GNG7: variants seen among roughly 807,000 people sequenced by gnomAD.
GNG7 encodes G protein subunit gamma 7, also known as guanine nucleotide-binding protein G(I)/G(S)/G(O) subunit gamma-7.
Under a neutral mutation model 4.0 loss-of-function variants are expected in GNG7, and 1 was observed. The ratio of observed to expected loss-of-function variants is 0.25; its 90% CI spans 0.09 to 1.18. GNG7 has a LOEUF of 1.18. Among genes scored for constraint, GNG7 ranks in the 50% most tolerant of loss-of-function variants. The pLI is 0.50. For synonymous variants in GNG7, 34 were observed against 36.9 expected (o/e 0.92, Z 0.29); for missense variants, 86 against 91.9 (o/e 0.94, Z 0.26).
intron 2 of GNG7, chr19:2,595,145 T>G (rs375370414): frequency 7.2e-6 from 1 of 139,234 alleles, no homozygotes; most frequent in Admixed American, 7.2e-5. Flanking sequence ...TTTTTTTTTT[T>G]GAGACGGAGT....
chr19:2,525,802 G>A (rs929580126), intron 3 of GNG7, among the ~76,000 whole-genome samples: 13 of 151,994 alleles, frequency 8.6e-5, no homozygotes, highest in African/African-American at 2.9e-4. Flanking sequence ...TAGAATGAAA[G>A]CAAGTGCTCT....
intron 3 of GNG7, chr19:2,538,760 A>AT (rs113521303): frequency 0.019 from 7,720 of 416,956 alleles, 534 homozygotes; most frequent in African/African-American, 0.15. Flanking sequence ...CTAGATATAT[A>AT]TATTTTTCTT....
At chr19:2,567,135 A>C (rs1397608241) in intron 2 of GNG7, among the ~76,000 whole-genome samples, 1 of 131,952 alleles carries the variant, frequency 7.6e-6, no homozygotes, top group African/African-American at 3.6e-5. Context: ...AAAAAAACAA[A>C]AAAAAAACAA....
intron 2 of GNG7, among the ~76,000 whole-genome samples, chr19:2,566,918 C>G (rs1354209576): frequency 6.6e-6 from 1 of 152,110 alleles, no homozygotes; most frequent in African/African-American, 2.4e-5. Context: ...GCCTGACCAA[C>G]ATGGTGAAAC....
intron 2 of GNG7, among the ~76,000 whole-genome samples, chr19:2,563,149 C>T (rs953298520): frequency 2.6e-5 from 4 of 152,004 alleles, no homozygotes; most frequent in Admixed American, 6.6e-5. Context: ...GGGGTTTCAC[C>T]GTGTTAGCCA....
intron 1 of GNG7, among the ~76,000 whole-genome samples, chr19:2,691,638 G>A (rs1401291906): frequency 6.6e-6 from 1 of 151,758 alleles, no homozygotes; most frequent in East Asian, 1.9e-4. Context: ...AAGCCGAGGT[G>A]GAAGGATCAC....
chr19:2,574,273 C>T (rs1342358129), intron 2 of GNG7, among the ~76,000 whole-genome samples: 1 of 152,072 alleles, frequency 6.6e-6, no homozygotes, highest in East Asian at 1.9e-4. Context: ...TCAGCCCTTC[C>T]TCTCCCTCTC....
At chr19:2,620,349 G>C (rs1981836534) in intron 2 of GNG7, among the ~76,000 whole-genome samples, 2 of 151,390 alleles carry the variant, frequency 1.3e-5, no homozygotes, top group South Asian at 4.2e-4. Flanking sequence ...CTCTCTGCAG[G>C]CAGGTCACTG....
intron 3 of GNG7, among the ~76,000 whole-genome samples, chr19:2,554,017 T>C: frequency 1.4e-5 from 2 of 147,226 alleles, no homozygotes; most frequent in South Asian, 2.1e-4. Context: ...ATATTATATG[T>C]ATATATGTAT....
At chr19:2,607,640 A>T (rs8113429) in intron 2 of GNG7, among the ~76,000 whole-genome samples, 1 of 150,606 alleles carries the variant, frequency 6.6e-6, no homozygotes, top group Non-Finnish European at 1.5e-5. Context: ...GCTAAACTAC[A>T]TTGTTATGTA....
At chr19:2,545,179 G>A (rs12980307) in intron 3 of GNG7, among the ~76,000 whole-genome samples, 34,372 of 151,382 alleles carry the variant, frequency 0.23, 4,572 homozygotes, top group African/African-American at 0.37. Context: ...GACCCTGGGC[G>A]CTGTCTGGCG....
At chr19:2,661,566 G>A (rs549267262) in intron 1 of GNG7, among the ~76,000 whole-genome samples, 7 of 151,618 alleles carry the variant, frequency 4.6e-5, no homozygotes, top group Non-Finnish European at 7.4e-5. Flanking sequence ...TCAGCTACTC[G>A]GGAGGCTGAG....
chr19:2,688,779 T>C (rs1374470649), intron 1 of GNG7, among the ~76,000 whole-genome samples: 1 of 151,868 alleles, frequency 6.6e-6, no homozygotes, highest in Non-Finnish European at 1.5e-5. Flanking sequence ...AATGAACCCA[T>C]TGTTAGCCGG....
intron 3 of GNG7, chr19:2,538,459 GCAA>G: frequency 2.4e-4 from 30 of 126,822 alleles, no homozygotes; most frequent in South Asian, 6.3e-4. Flanking sequence ...CCCCGTCTCT[GCAA>G]AAAAAAAAAA....
In GNG7 at chr19:2,531,303, CAAAAAAAAAAA is replaced by C. The variant is rs58133235; in HGVS notation, c.-37-10589_-37-10579del. 2.6e-3 allele frequency among the ~76,000 whole-genome samples: 244 copies of C among 95,066 alleles called. 1 individual carries two copies. The highest frequency in any genetic ancestry group is 0.021 in the South Asian group (60 of 2,792). 62.4% of individuals were successfully genotyped at this position (95,066 alleles called of 152,430 possible). A position where few individuals can be genotyped will look rare whatever the true frequency, so the allele number is the denominator to read the frequency against. ...TTGGCAGCTGAGTGAGATTCCGTCT[CAAAAAAAAAAA>C]AAAAAAAAAAAAAAGGAGTAAAGAT... On this transcript the variant is annotated intron_variant, in intron 3 of 4. Transcript: ENST00000382159.
chr19:2,547,750 G>A (rs538996412), intron 3 of GNG7, among the ~76,000 whole-genome samples: 6 of 152,334 alleles, frequency 3.9e-5, no homozygotes, highest in East Asian at 1.9e-4. Flanking sequence ...TTCACAAAGG[G>A]TGTTACTTCC....
intron 1 of GNG7, among the ~76,000 whole-genome samples, chr19:2,657,134 G>A (rs146992776): frequency 0.013 from 1,908 of 151,072 alleles, 37 homozygotes; most frequent in African/African-American, 0.044. Context: ...AAGAGTTCGA[G>A]ACCAGCCTGG....
intron 4 of GNG7, among the ~76,000 whole-genome samples, chr19:2,518,074 T>C (rs1213961889): frequency 6.6e-6 from 1 of 152,114 alleles, no homozygotes; most frequent in Admixed American, 6.5e-5. Context: ...ATAGCTGGCA[T>C]TGTGGCTCCA....
rs557551861 is a variant in GNG7, at chr19:2,541,287, C to A, written c.-38+13862G>T. On this transcript the variant is annotated intron_variant, in intron 3 of 4. Coordinates refer to ENST00000382159, the MANE Select transcript of GNG7 (RefSeq NM_052847.3). ...GGAGTTCAAAGCCAGCCTGGGGCAA[C>A]ACAGTGAGACCCTGTCTCTAAAATA... 2.6e-5 allele frequency among the ~76,000 whole-genome samples: 4 copies of A among 152,020 alleles called. No individual in the cohort carries two copies. The South Asian group carries it at 8.3e-4, about 32-fold the overall frequency.
Sources: gnomAD v4.1 joint callset for allele counts (sites outside exome capture counted in the v4.1 genomes callset) on GRCh38, gnomAD v4.1.1 for gene constraint, MANE v1.5 for transcripts, NCBI Gene and HGNC (gene_info 2026-07-23, HGNC 2026-07-21) for gene names.